Variants in CNTNAP2 observed in about 807,000 individuals in gnomAD.
CNTNAP2 encodes the protein contactin-associated protein-like 2.
Under a neutral mutation model 155.2 loss-of-function variants are expected in CNTNAP2, and 98 were observed. The observed-to-expected ratio is 0.63, with a 90% confidence interval of 0.54 to 0.75. CNTNAP2 has a LOEUF of 0.75. Among genes scored for constraint, CNTNAP2 ranks in the 30% least tolerant of loss-of-function variants. The probability of loss-of-function intolerance (pLI) is 0.00; values close to 1 mark genes in which losing one functional copy is unlikely to be tolerated. For missense variants in CNTNAP2, 1,727 were observed against 1,688.1 expected (o/e 1.02, Z -0.40); for synonymous variants, 651 against 631.2 (o/e 1.03, Z -0.47).
chr7:147,277,554 A>T (rs1294795179), intron 8 of CNTNAP2, among the ~76,000 whole-genome samples: 3 of 151,990 alleles, frequency 2.0e-5, no homozygotes, highest in South Asian at 2.1e-4. Context: ...CCAATGTTGA[A>T]TGGAGATAAT....
intron 13 of CNTNAP2, among the ~76,000 whole-genome samples, chr7:147,754,079 A>G (rs541712398): frequency 7.4e-4 from 112 of 152,292 alleles, no homozygotes; most frequent in Non-Finnish European, 1.3e-3. Flanking sequence ...TCATCTAAAA[A>G]AAATAAAAAT....
chr7:148,235,716 T>C (rs1436448177), intron 20 of CNTNAP2, among the ~76,000 whole-genome samples: 7 of 138,262 alleles, frequency 5.1e-5, no homozygotes, highest in Middle Eastern at 4.6e-3. Context: ...AGACGGAGTC[T>C]TGCTCTGTCA....
chr7:148,059,410 G>C (rs1803087567), intron 15 of CNTNAP2, among the ~76,000 whole-genome samples: 1 of 151,964 alleles, frequency 6.6e-6, no homozygotes, highest in South Asian at 2.1e-4. Flanking sequence ...TGACCAACAT[G>C]GTGAAACCCC....
chr7:147,956,127 A>G (rs1159601519), intron 14 of CNTNAP2, among the ~76,000 whole-genome samples: 3 of 152,204 alleles, frequency 2.0e-5, no homozygotes, highest in African/African-American at 7.2e-5. Flanking sequence ...AACTATTTGA[A>G]TATACTCAAT....
chr7:146,971,339 T>C (rs1797792967), intron 3 of CNTNAP2, among the ~76,000 whole-genome samples: 1 of 152,164 alleles, frequency 6.6e-6, no homozygotes, highest in Non-Finnish European at 1.5e-5. Flanking sequence ...ACATCTATTG[T>C]GTACTAAAAA....
chr7:147,807,987 A>T (rs115207944), intron 13 of CNTNAP2, among the ~76,000 whole-genome samples: 4,107 of 139,156 alleles, frequency 0.03, 150 homozygotes, highest in African/African-American at 0.097. Context: ...TTTCTTTTTT[A>T]AAAAAAAAAA....
chr7:147,210,900 A>C (rs1803132081), intron 8 of CNTNAP2, among the ~76,000 whole-genome samples: 1 of 151,776 alleles, frequency 6.6e-6, no homozygotes, highest in African/African-American at 2.4e-5. Flanking sequence ...TTTTCTTTGT[A>C]TTGATTTCTA....
chr7:147,020,396 TGATA>T (rs929200731), intron 3 of CNTNAP2, among the ~76,000 whole-genome samples: 61 of 152,286 alleles, frequency 4.0e-4, no homozygotes, highest in African/African-American at 1.3e-3. Context: ...TAGTCTGGAA[TGATA>T]GATGCGCACA....
intron 9 of CNTNAP2, among the ~76,000 whole-genome samples, chr7:147,394,806 A>AC (rs1251265628): frequency 1.1e-5 from 1 of 90,240 alleles, no homozygotes; most frequent in Non-Finnish European, 2.1e-5. Flanking sequence ...AATCAACAGT[A>AC]TTGTGTGTGT....
chr7:146,315,260 T>C (rs1344825028), intron 1 of CNTNAP2, among the ~76,000 whole-genome samples: 1 of 152,112 alleles, frequency 6.6e-6, no homozygotes, highest in African/African-American at 2.4e-5. Context: ...TTTTTGTGCT[T>C]GAGGGAAATC....
At chr7:146,691,913 C>CATGGCTTTTCAATG (rs1563190689) in intron 1 of CNTNAP2, among the ~76,000 whole-genome samples, 3 of 151,942 alleles carry the variant, frequency 2.0e-5, no homozygotes, top group African/African-American at 7.3e-5. Flanking sequence ...TCAATGGTAA[C>CATGGCTTTTCAATG]GTCTTGGATT....
intron 1 of CNTNAP2, among the ~76,000 whole-genome samples, chr7:146,132,070 T>G (rs1797722553): frequency 6.6e-6 from 1 of 152,224 alleles, no homozygotes; most frequent in South Asian, 2.1e-4. Flanking sequence ...AGATTCTTTA[T>G]AGCATTGCGA....
At chr7:147,099,224 C>T (rs80348917) in intron 4 of CNTNAP2, among the ~76,000 whole-genome samples, 1 of 152,102 alleles carries the variant, frequency 6.6e-6, no homozygotes, top group Admixed American at 6.5e-5. Context: ...GATCATGGTC[C>T]AGAAGAGAGA....
intron 1 of CNTNAP2, among the ~76,000 whole-genome samples, chr7:146,613,609 T>C (rs1799175990): frequency 6.6e-6 from 1 of 152,346 alleles, no homozygotes; most frequent in South Asian, 2.1e-4. Flanking sequence ...ATATGATTTT[T>C]ACATCTGTTC....
intron 15 of CNTNAP2, among the ~76,000 whole-genome samples, chr7:147,988,301 T>C (rs1354165094): frequency 6.6e-6 from 1 of 152,170 alleles, no homozygotes; most frequent in East Asian, 1.9e-4. Context: ...TCTTAATCTC[T>C]TTAGGATTGG....
chr7:146,712,216 A>G (rs1166210371), intron 1 of CNTNAP2, among the ~76,000 whole-genome samples: 1 of 123,864 alleles, frequency 8.1e-6, no homozygotes, highest in Non-Finnish European at 1.7e-5. Flanking sequence ...TACATATCTT[A>G]TGTATACAAA....
chr7:148,123,350 G>A (rs1231163228), intron 16 of CNTNAP2, among the ~76,000 whole-genome samples: 2 of 152,124 alleles, frequency 1.3e-5, no homozygotes, highest in Non-Finnish European at 2.9e-5. Context: ...CACTTTAGGA[G>A]GCTGAAGGGG....
At chr7:146,268,173 A>G (rs538091716) in intron 1 of CNTNAP2, among the ~76,000 whole-genome samples, 2 of 152,322 alleles carry the variant, frequency 1.3e-5, no homozygotes, top group African/African-American at 4.8e-5. Context: ...AACTTTGCCT[A>G]GTGTCAGTCG....
rs116248377 is a variant in CNTNAP2, at chr7:146,905,736, A to G, written c.402+65832A>G. 2.8e-3 allele frequency among the ~76,000 whole-genome samples: 422 copies of G among 152,332 alleles called. 1 individual carries two copies. Among genetic ancestry groups the G allele is most frequent in the African/African-American group, 9.7e-3 (403 of 41,568 alleles). On this transcript the variant is annotated intron_variant, in intron 3 of 23. Coordinates refer to ENST00000361727, the MANE Select transcript of CNTNAP2 (RefSeq NM_014141.6). ...CCAGTGGGTGTTACTGTATTAGCAGAATGAAACCTATAACAATTTTTAACT... is the reference window on the plus strand; with the variant it reads ...CCAGTGGGTGTTACTGTATTAGCAGGATGAAACCTATAACAATTTTTAACT...
Sources: allele counts gnomAD v4.1 joint callset (sites outside exome capture counted in the v4.1 genomes callset), GRCh38; gene constraint gnomAD v4.1.1; transcripts MANE v1.5; gene names NCBI Gene and HGNC (gene_info 2026-07-23, HGNC 2026-07-21).